Variants in FER observed in about 807,000 individuals in gnomAD.
The protein encoded by FER is tyrosine-protein kinase Fer.
Under a neutral mutation model 111.0 loss-of-function variants are expected in FER, and 63 were observed. That is an observed-to-expected ratio of 0.57 (90% CI 0.46 to 0.70). FER has a LOEUF of 0.70. Ranked by LOEUF, FER falls within the 30% of genes least tolerant of loss-of-function variation. FER has a pLI of 0.00. For missense variants in FER, 914 were observed against 954.0 expected, an observed-to-expected ratio of 0.96 and a Z score of 0.55; for synonymous variants, 327 against 313.9, an observed-to-expected ratio of 1.04 and a Z score of -0.44.
intron 16 of FER, among the ~76,000 whole-genome samples, chr5:109,098,566 T>A (rs1214761339): frequency 6.6e-6 from 1 of 151,698 alleles, no homozygotes; most frequent in Admixed American, 6.6e-5. Flanking sequence ...AACAAAAGAA[T>A]TAATATGTGA....
chr5:108,991,645 C>G (rs1309812221), intron 13 of FER, among the ~76,000 whole-genome samples: 1 of 151,966 alleles, frequency 6.6e-6, no homozygotes, highest in East Asian at 1.9e-4. Flanking sequence ...TATCTCCTTC[C>G]TTATTCATTT....
intron 18 of FER, among the ~76,000 whole-genome samples, chr5:109,184,274 G>A (rs543253502): frequency 1.3e-5 from 2 of 152,182 alleles, no homozygotes; most frequent in African/African-American, 4.8e-5. Flanking sequence ...AGAATTTTTA[G>A]TGAGCAGGTT....
chr5:108,789,229 G>A (rs1755082328), intron 2 of FER, among the ~76,000 whole-genome samples: 1 of 152,184 alleles, frequency 6.6e-6, no homozygotes, highest in Non-Finnish European at 1.5e-5. Context: ...GTAACCTTGT[G>A]TTAACAAAAA....
intron 17 of FER, among the ~76,000 whole-genome samples, chr5:109,110,455 G>A (rs1749471302): frequency 6.6e-6 from 1 of 152,034 alleles, no homozygotes; most frequent in South Asian, 2.1e-4. Flanking sequence ...AGAGACAGGG[G>A]CATGCTAGGT....
intron 17 of FER, among the ~76,000 whole-genome samples, chr5:109,142,610 A>C (rs538439773): frequency 6.6e-6 from 1 of 152,310 alleles, no homozygotes; most frequent in Admixed American, 6.5e-5. Flanking sequence ...CACGGATCCA[A>C]AGTAAATATT....
chr5:108,936,295 TA>T (rs1264371401), intron 10 of FER, among the ~76,000 whole-genome samples: 1 of 152,104 alleles, frequency 6.6e-6, no homozygotes, highest in Non-Finnish European at 1.5e-5. Context: ...ATTTTACCTT[TA>T]ATAATTTTGC....
At chr5:108,763,836 G>A (rs1194623645) in intron 1 of FER, among the ~76,000 whole-genome samples, 1 of 152,096 alleles carries the variant, frequency 6.6e-6, no homozygotes, top group Non-Finnish European at 1.5e-5. Context: ...ATATATAGGG[G>A]CAAAATATTT....
In FER at chr5:108,940,470, A is replaced by T. The variant is rs114810323; in HGVS notation, c.1237-5660A>T. Among the ~76,000 whole-genome samples the T allele has an allele frequency of 5.6e-3, 851 of 152,232 alleles. 9 individuals carry two copies. The highest frequency in any genetic ancestry group is 0.019 in the African/African-American group (784 of 41,544). On this transcript the variant is annotated intron_variant, in intron 10 of 19. Coordinates refer to ENST00000281092, the MANE Select transcript of FER (RefSeq NM_005246.4). Reference sequence around the variant, plus strand: ...CAAAATAGTAGTTTTTAGAAACCTCATCAGACAGCTAAGGACAGAAGTAAA... The same window carrying T: ...CAAAATAGTAGTTTTTAGAAACCTCTTCAGACAGCTAAGGACAGAAGTAAA...
chr5:109,086,249 TTC>T (rs1777551865), intron 16 of FER, among the ~76,000 whole-genome samples: 1 of 150,006 alleles, frequency 6.7e-6, no homozygotes, highest in East Asian at 1.9e-4. Flanking sequence ...TTATCTTGTG[TTC>T]ACTTTAGTTG....
intron 17 of FER, among the ~76,000 whole-genome samples, chr5:109,131,121 C>G (rs867301188): frequency 2.0e-5 from 3 of 152,036 alleles, no homozygotes; most frequent in African/African-American, 7.2e-5. Flanking sequence ...CTTCAAAGAA[C>G]TTTTTTCTGG....
chr5:109,169,705 A>G (rs1756906885), intron 17 of FER, among the ~76,000 whole-genome samples: 1 of 152,212 alleles, frequency 6.6e-6, no homozygotes, highest in Non-Finnish European at 1.5e-5. Context: ...AAACTACTCT[A>G]AAAATGCTTT....
At chr5:108,871,158 G>A (rs1388215324) in intron 6 of FER, among the ~76,000 whole-genome samples, 2 of 151,886 alleles carry the variant, frequency 1.3e-5, no homozygotes, top group Non-Finnish European at 2.9e-5. Context: ...TGTAATTATT[G>A]TATTATAACA....
intron 13 of FER, among the ~76,000 whole-genome samples, chr5:108,970,498 G>T (rs940291128): frequency 6.6e-6 from 1 of 152,140 alleles, no homozygotes; most frequent in African/African-American, 2.4e-5. Flanking sequence ...GGGATTACAG[G>T]CGTGAGCCAC....
intron 13 of FER, among the ~76,000 whole-genome samples, chr5:109,030,885 G>A (rs1769498369): frequency 6.6e-6 from 1 of 152,130 alleles, no homozygotes; most frequent in Non-Finnish European, 1.5e-5. Flanking sequence ...ATGCAACTGA[G>A]CTGCCTTGTT....
At chr5:109,153,612 A>G (rs370996073) in intron 17 of FER, among the ~76,000 whole-genome samples, 5 of 151,906 alleles carry the variant, frequency 3.3e-5, no homozygotes, top group Admixed American at 2.0e-4. Flanking sequence ...TCACTGCATA[A>G]CACAGTAGTT....
intron 14 of FER, among the ~76,000 whole-genome samples, chr5:109,044,243 A>ATC (rs1176058739): frequency 6.6e-6 from 1 of 151,254 alleles, no homozygotes; most frequent in Non-Finnish European, 1.5e-5. Context: ...CAGTGGCGCA[A>ATC]TCTCTGTTCA....
At chr5:109,162,644 T>A (rs1438489370) in intron 17 of FER, among the ~76,000 whole-genome samples, 2 of 152,148 alleles carry the variant, frequency 1.3e-5, no homozygotes, top group Non-Finnish European at 2.9e-5. Flanking sequence ...TTCTGGAGTT[T>A]AACTTAAATT....
At chr5:108,788,031 C>T (rs771219653) in intron 2 of FER, among the ~76,000 whole-genome samples, 15 of 152,170 alleles carry the variant, frequency 9.9e-5, no homozygotes, top group East Asian at 7.7e-4. Flanking sequence ...CTGCGTGCAA[C>T]GAGAAAGAGA....
intron 17 of FER, among the ~76,000 whole-genome samples, chr5:109,103,229 A>T (rs564793891): frequency 6.6e-6 from 1 of 152,256 alleles, no homozygotes; most frequent in Non-Finnish European, 1.5e-5. Flanking sequence ...AATTCTAGCA[A>T]AAATTTTAAA....
Sources: gnomAD v4.1 joint callset for allele counts (sites outside exome capture counted in the v4.1 genomes callset) on GRCh38, gnomAD v4.1.1 for gene constraint, MANE v1.5 for transcripts, NCBI Gene and HGNC (gene_info 2026-07-23, HGNC 2026-07-21) for gene names.